BRWD3: variants seen among roughly 807,000 people sequenced by gnomAD.
BRWD3 encodes bromodomain and WD repeat domain containing 3, also known as bromodomain and WD repeat-containing protein 3.
BRWD3 carries 10 observed loss-of-function variants against 149.7 expected under a neutral mutation model. That is an observed-to-expected ratio of 0.07 (90% CI 0.04 to 0.11). The LOEUF is 0.11. BRWD3 is among the 10% of genes least tolerant of loss of function. The pLI is 1.00. For synonymous variants in BRWD3, 504 were observed against 456.7 expected, an observed-to-expected ratio of 1.10 and a Z score of -1.32; for missense variants, 940 against 1,373.2, an observed-to-expected ratio of 0.68 and a Z score of 4.99.
chrX:80,802,332 C>T (rs1385948910), intron 4 of BRWD3, among the ~76,000 whole-genome samples: 1 of 106,130 alleles, frequency 9.4e-6, no homozygotes, highest in East Asian at 3.0e-4. Context: ...ATCCCAGCTA[C>T]TTGGGAGGCT....
At position 80,791,223 on chromosome X, in the gene BRWD3, G is replaced by C. The variant is rs184717788; in HGVS notation, c.430+631C>G. On this transcript the variant is annotated intron_variant, in intron 6 of 40. Coordinates refer to ENST00000373275, the MANE Select transcript of BRWD3 (RefSeq NM_153252.5). ...CTGTAGGCACTATATATAAAATAACGTAATTTTTTAGAAGAGCGAGAAAGT... is the reference window on the plus strand; with the variant it reads ...CTGTAGGCACTATATATAAAATAACCTAATTTTTTAGAAGAGCGAGAAAGT... Among the ~76,000 whole-genome samples the C allele has an allele frequency of 4.5e-5, 5 of 111,778 alleles. No individual in the cohort carries two copies. The South Asian group carries it at 1.8e-3, about 41-fold the overall frequency.
Position 80,704,754 on chromosome X carries a change from A to G in BRWD3, c.2645T>C (p.Ile882Thr). The change falls in exon 23 of 41, where the codon ATA becomes ACA. Residue 882 changes from isoleucine (I) to threonine (T), a missense_variant. Ile to Thr is a moderately conservative substitution (Grantham distance 89). Coordinates refer to ENST00000373275, the MANE Select transcript of BRWD3 (RefSeq NM_153252.5). The part of the protein sequence containing the change: ...KRQTRQTTRK[I>T]CSSSDEENLK... ...ATTTTCCTCATCAGAGCTGCTGCAT[A>G]TTTTACGTGTTGTCTGTCTGGTTTG... The G allele has an allele frequency of 8.3e-7, 1 of 1,211,043 alleles. No individual in the cohort carries two copies. Among genetic ancestry groups the G allele is most frequent in the East Asian group, 3.0e-5 (1 of 33,819 alleles).
rs751133098 is a variant in BRWD3, at chrX:80,685,030, AT to A, written c.4080+431del. ...AAGAAATGACAAACGTTCTAAATAT[AT>A]CTTATTTTCTTAAATCATAAAAAAA... On this transcript the variant is annotated intron_variant, in intron 36 of 40. Transcript: ENST00000373275. Among the ~76,000 whole-genome samples, 749 of 111,844 alleles carry A rather than the reference AT, an allele frequency of 6.7e-3. 6 individuals are homozygous for A. The highest frequency in any genetic ancestry group is 0.022 in the African/African-American group (686 of 30,849).
At chrX:80,749,305 GTCTC>G (rs969812061) in intron 6 of BRWD3, among the ~76,000 whole-genome samples, 2 of 110,505 alleles carry the variant, frequency 1.8e-5, no homozygotes, top group African/African-American at 6.6e-5. Context: ...CAGTTGCAGT[GTCTC>G]TCTCTCTCTT....
chrX:80,759,301 T>C (rs1366736734), intron 6 of BRWD3, among the ~76,000 whole-genome samples: 1 of 112,260 alleles, frequency 8.9e-6, no homozygotes, highest in African/African-American at 3.2e-5. Context: ...TCACCATCTA[T>C]AGTTTCTAGA....
chrX:80,671,171 T>C lies in BRWD3; in HGVS notation c.*5438A>G, dbSNP rs952242576. ...TAAAAGTTGTAAGTCATAAATATGT[T>C]AGAGATCTATTCATTTTGAAAAGCT... On this transcript the variant is annotated 3_prime_UTR_variant, in exon 41 of 41. Coordinates refer to ENST00000373275, the MANE Select transcript of BRWD3 (RefSeq NM_153252.5). The C allele has an allele frequency of 1.8e-5, 2 of 111,792 alleles. No homozygotes were observed. The highest frequency in any genetic ancestry group is 3.8e-5 in the Non-Finnish European group (2 of 53,175). 9.2% of individuals were successfully genotyped at this position (111,792 alleles called of 1,213,427 possible).
intron 11 of BRWD3, 99 bp from the exon 12 acceptor site, chrX:80,733,595 G>GTT (rs370277579): frequency 1.7e-3 from 829 of 473,769 alleles, no homozygotes; most frequent in East Asian, 2.5e-3. Flanking sequence ...TCATGAAGTA[G>GTT]TTTTTTTTTT....
At chrX:80,768,562 C>A (rs1190335854) in intron 6 of BRWD3, among the ~76,000 whole-genome samples, 5 of 111,427 alleles carry the variant, frequency 4.5e-5, no homozygotes, top group African/African-American at 1.6e-4. Flanking sequence ...TCCTGCCTTA[C>A]AAGAGCTCCT....
rs2074394543 is a variant in BRWD3 at position 80,809,804 on chromosome X, A to AGAGAGAGAGAG, written c.-334_-333insCTCTCTCTCTC. 5 of 32,498 alleles carry AGAGAGAGAGAG rather than the reference A, an allele frequency of 1.5e-4. No individual in the cohort carries two copies. Among genetic ancestry groups the AGAGAGAGAGAG allele is most frequent in the Non-Finnish European group, 2.5e-4 (5 of 19,879 alleles). 2.7% of individuals were successfully genotyped at this position (32,498 alleles called of 1,213,427 possible). On this transcript the variant is annotated 5_prime_UTR_variant, in exon 1 of 41. Transcript: ENST00000373275. ...GAGAGAGAGAGAGAGAGAGAGAGAG[A>AGAGAGAGAGAG]CGCGGGGGGTGGGGGGGCGGAGAGA... is the stretch of plus-strand genomic sequence containing the variant.
chrX:80,775,190 CA>C (rs1337661996), intron 6 of BRWD3, among the ~76,000 whole-genome samples: 1 of 111,429 alleles, frequency 9.0e-6, no homozygotes, highest in Non-Finnish European at 1.9e-5. Context: ...CAACTGAGAC[CA>C]AATGTTCCAG....
Position 80,671,697 on chromosome X carries a change from C to CT in BRWD3, c.*4911dup, listed in dbSNP as rs1365166376. ...TATAAATCAAGCCAGTTTATATTAC[C>CT]TTTTTTACTGAATTTTAGTTTAACG... On this transcript the variant is annotated 3_prime_UTR_variant, in exon 41 of 41. Transcript: ENST00000373275. 1 of 111,646 alleles carries CT rather than the reference C, an allele frequency of 9.0e-6. No individual in the cohort carries two copies. The highest frequency in any genetic ancestry group is 1.9e-5 in the Non-Finnish European group (1 of 53,076). The allele number at this position is 111,646 out of a possible 1,213,427, so 9.2% of individuals were successfully genotyped here.
chrX:80,777,150 C>A (rs749678821), intron 6 of BRWD3, among the ~76,000 whole-genome samples: 1 of 109,508 alleles, frequency 9.1e-6, no homozygotes, highest in Admixed American at 9.9e-5. Context: ...AAGACCCCCC[C>A]CCACGAAAAA....
chrX:80,767,896 G>A (rs1350976749), intron 6 of BRWD3, among the ~76,000 whole-genome samples: 3 of 111,892 alleles, frequency 2.7e-5, no homozygotes, highest in African/African-American at 9.7e-5. Context: ...TGACCTGATG[G>A]AGCTGAAAAC....
intron 4 of BRWD3, among the ~76,000 whole-genome samples, chrX:80,795,394 T>C (rs1289137617): frequency 3.6e-5 from 4 of 109,719 alleles, no homozygotes; most frequent in Non-Finnish European, 7.6e-5. Flanking sequence ...CATATATACA[T>C]ATATGTGTGT....
chrX:80,778,358 G>A, intron 6 of BRWD3, among the ~76,000 whole-genome samples: 1 of 111,936 alleles, frequency 8.9e-6, no homozygotes, highest in Admixed American at 9.5e-5. Flanking sequence ...AACAGTAGCT[G>A]CACATCTACC....
chrX:80,677,315 C>T lies in BRWD3; in HGVS notation c.4703G>A (p.Arg1568Gln), dbSNP rs774541526. ...AAGTAGTTTTCTCTTGATTCCTGTC[C>T]GGGGCTCTCTGCCATCACCATTTGT... The part of the protein sequence containing the change: ...PLTNGDGREP[R>Q]TGIKRKLLSA... The change falls in exon 41 of 41, where the codon CGG becomes CAG. Residue 1568 changes from arginine (R) to glutamine (Q), a missense_variant. This residue lies in a region of BRWD3 where 349 missense variants were observed against 419.6 expected (regional missense o/e 0.83). Transcript: ENST00000373275. The T allele has an allele frequency of 1.2e-5, 14 of 1,207,558 alleles. No homozygotes were observed. Among genetic ancestry groups the T allele is most frequent in the South Asian group, 1.8e-5 (1 of 56,180 alleles).
rs1009993995 is a variant in BRWD3, at chrX:80,674,196, A to T, written c.*2413T>A. The T allele has an allele frequency of 2.7e-5, 3 of 111,794 alleles. No homozygotes were observed. Among genetic ancestry groups the T allele is most frequent in the Non-Finnish European group, 3.8e-5 (2 of 52,996 alleles). The allele number at this position is 111,794 out of a possible 1,213,427, so 9.2% of individuals were successfully genotyped here. A position where few individuals can be genotyped will look rare whatever the true frequency, so the allele number is the denominator to read the frequency against. ...CATTACAGCAAAATGCTGTTCACTA[A>T]TATTTTCACAGTATTTCACTACATA... On this transcript the variant is annotated 3_prime_UTR_variant, in exon 41 of 41. Coordinates refer to ENST00000373275, the MANE Select transcript of BRWD3 (RefSeq NM_153252.5).
intron 14 of BRWD3, among the ~76,000 whole-genome samples, chrX:80,727,921 A>C (rs1017013280): frequency 1.8e-5 from 2 of 111,547 alleles, no homozygotes; most frequent in African/African-American, 3.3e-5. Context: ...GCATGACAGG[A>C]CTCTGTCTAA....
intron 9 of BRWD3, among the ~76,000 whole-genome samples, chrX:80,735,787 G>A (rs1243192290): frequency 2.0e-5 from 2 of 98,341 alleles, no homozygotes; most frequent in Non-Finnish European, 4.0e-5. Context: ...CTGGGCAACA[G>A]AGCGAGACTC....
Sources: gnomAD v4.1 joint callset for allele counts (sites outside exome capture counted in the v4.1 genomes callset) on GRCh38, gnomAD v4.1.1 for gene constraint, gnomAD v4.1.1 regional missense constraint, MANE v1.5 for transcripts, NCBI Gene and HGNC (gene_info 2026-07-23, HGNC 2026-07-21) for gene names.